The following FAM120B variants were observed in gnomAD, a reference collection of about 807,000 sequenced individuals.
The protein encoded by FAM120B is constitutive coactivator of peroxisome proliferator-activated receptor gamma.
Under a neutral mutation model 96.3 loss-of-function variants are expected in FAM120B, and 83 were observed. The observed-to-expected ratio is 0.86, with a 90% CI of 0.72 to 1.03. The LOEUF is 1.03. Among genes scored for constraint, FAM120B ranks in the 50% least tolerant of loss-of-function variants. The pLI is 0.00. For synonymous variants in FAM120B, 407 were observed against 402.7 expected (o/e 1.01, Z -0.13); for missense variants, 1,027 against 1,121.2 (o/e 0.92, Z 1.20).
chr6:170,318,846 T>C lies in FAM120B; in HGVS notation c.1456T>C (p.Leu486=), dbSNP rs1446701573. ...YTGPESRQEV[L]IRTDPESRQE... is the part of the protein sequence containing the mutation. ...AGGCCCTGAATCCAGGCAAGAAGTT[T>C]TAATACGGACAGACCCTGAATCTAG... Residue 486 remains leucine, a synonymous_variant, in exon 2 of 11, where the codon TTA becomes CTA. Coordinates refer to ENST00000476287, the MANE Select transcript of FAM120B (RefSeq NM_032448.3). 2 of 1,613,926 alleles carry C rather than the reference T, an allele frequency of 1.2e-6. No homozygotes were observed. Among genetic ancestry groups the C allele is most frequent in the Non-Finnish European group, 1.7e-6 (2 of 1,180,014 alleles).
intron 2 of FAM120B, among the ~76,000 whole-genome samples, chr6:170,321,086 A>G (rs1464959176): frequency 1.3e-5 from 2 of 152,218 alleles, no homozygotes; most frequent in African/African-American, 4.8e-5. Context: ...CCTCACAGGA[A>G]GGGAGTGCCT....
At position 170,329,450 on chromosome 6, in the gene FAM120B, T is replaced by A. The variant is rs74580691; in HGVS notation, c.1916-999T>A. ...GGAAGGCTGGTCAGTGGCTCTGCCC[T>A]TTCACAAACGACCACCCCCACTGTC... On this transcript the variant is annotated intron_variant, in intron 3 of 10. Transcript: ENST00000476287. Among the ~76,000 whole-genome samples the A allele has an allele frequency of 8.8e-3, 1,340 of 152,262 alleles. 68 individuals are homozygous for A. In the East Asian group the frequency reaches 0.11, roughly 12 times the overall value.
chr6:170,392,132 TGAA>T (rs1790513211), intron 8 of FAM120B, among the ~76,000 whole-genome samples: 1 of 152,262 alleles, frequency 6.6e-6, no homozygotes. Flanking sequence ...AAATGATCAC[TGAA>T]TACCTTCTCC....
At chr6:170,303,786 T>C (rs149393052), upstream of FAM120B, among the ~76,000 whole-genome samples, 2 of 152,380 alleles carry the variant, frequency 1.3e-5, no homozygotes, top group East Asian at 3.9e-4. Flanking sequence ...ACATATTTAT[T>C]CACAGCCAAG....
chr6:170,306,230 C>G (rs1367542596), upstream of FAM120B, among the ~76,000 whole-genome samples: 1 of 152,164 alleles, frequency 6.6e-6, no homozygotes, highest in African/African-American at 2.4e-5. Flanking sequence ...GAGGGTCGAA[C>G]GCCAGGACGT....
upstream of FAM120B, among the ~76,000 whole-genome samples, chr6:170,303,217 TGAGA>T (rs1422881904): frequency 6.6e-6 from 1 of 152,190 alleles, no homozygotes; most frequent in Non-Finnish European, 1.5e-5. Flanking sequence ...CTTTTGTATA[TGAGA>T]GAATTTACTC....
intron 1 of FAM120B, among the ~76,000 whole-genome samples, chr6:170,309,411 C>A (rs1370090821): frequency 6.6e-6 from 1 of 152,294 alleles, no homozygotes; most frequent in African/African-American, 2.4e-5. Flanking sequence ...TTCAGCTGTA[C>A]AGTAAATCAG....
At chr6:170,359,167 G>A (rs1381994388) in intron 6 of FAM120B, among the ~76,000 whole-genome samples, 2 of 152,174 alleles carry the variant, frequency 1.3e-5, no homozygotes, top group African/African-American at 4.8e-5. Flanking sequence ...TTGGGAAGCC[G>A]AGGCGGGTGG....
At chr6:170,389,527 T>TCA (rs906822743) in intron 7 of FAM120B, among the ~76,000 whole-genome samples, 12 of 151,634 alleles carry the variant, frequency 7.9e-5, no homozygotes, top group Non-Finnish European at 1.5e-4. Context: ...TCCCCATTTC[T>TCA]CACACACACA....
chr6:170,392,703 C>T (rs570099286), intron 8 of FAM120B, among the ~76,000 whole-genome samples: 1 of 152,290 alleles, frequency 6.6e-6, no homozygotes, highest in South Asian at 2.1e-4. Context: ...TACTTGGTGT[C>T]AGCCTTGCAA....
chr6:170,295,213 C>A, upstream of FAM120B: 1 of 527,640 alleles, frequency 1.9e-6, no homozygotes, highest in Non-Finnish European at 3.4e-6. The surrounding 1 kb of genome is among the most constrained non-coding windows in gnomAD (Gnocchi z 7.8). Flanking sequence ...CTTCTTAAAG[C>A]TGTCTTTGGA....
chr6:170,356,027 T>C (rs1349336456), intron 5 of FAM120B, among the ~76,000 whole-genome samples: 2 of 152,194 alleles, frequency 1.3e-5, no homozygotes, highest in Admixed American at 6.5e-5. Context: ...GCTGATCCTG[T>C]GTGTGGTCAC....
rs764183505 is a variant in FAM120B at position 170,330,743 on chromosome 6, G to T, written c.2017+193G>T. 328 of 593,436 alleles carry T rather than the reference G, an allele frequency of 5.5e-4. 1 individual carries two copies. Among genetic ancestry groups the T allele is most frequent in the Non-Finnish European group, 8.2e-4 (273 of 334,610 alleles). 36.8% of individuals were successfully genotyped at this position (593,436 alleles called of 1,614,324 possible). On this transcript the variant is annotated intron_variant, in intron 4 of 10. Transcript: ENST00000476287. ...TAATGGAAGGATGATGCTGTGGCAGGTTTACCCTGGACCATCTGCGGCGGT... is the reference window on the plus strand; with the variant it reads ...TAATGGAAGGATGATGCTGTGGCAGTTTTACCCTGGACCATCTGCGGCGGT...
intron 6 of FAM120B, among the ~76,000 whole-genome samples, chr6:170,384,478 C>T (rs781493804): frequency 1.3e-5 from 2 of 152,176 alleles, no homozygotes; most frequent in Non-Finnish European, 2.9e-5. Flanking sequence ...CGTGCAGCTG[C>T]TAACCCAAAG....
chr6:170,381,862 A>G (rs1789924487), intron 6 of FAM120B, among the ~76,000 whole-genome samples: 1 of 152,114 alleles, frequency 6.6e-6, no homozygotes, highest in African/African-American at 2.4e-5. Flanking sequence ...TCTCAACTTG[A>G]TAAAGAACAT....
rs1554286306 is a variant in FAM120B, at chr6:170,361,193, TAC to T, written c.2283+2876_2283+2877del. 7.1e-5 allele frequency among the ~76,000 whole-genome samples: 6 copies of T among 83,978 alleles called. 1 individual carries two copies. The highest frequency in any genetic ancestry group is 8.4e-4 in the South Asian group (2 of 2,386). The allele number at this position is 83,978 out of a possible 152,430, so 55.1% of individuals were successfully genotyped here. Reference sequence around the variant, plus strand: ...ATATAGCCTTAAAACTATATATATATACGTGTATATATATATATATATATATA... The same window carrying T: ...ATATAGCCTTAAAACTATATATATATGTGTATATATATATATATATATATA... On this transcript the variant is annotated intron_variant, in intron 6 of 10. Coordinates refer to ENST00000476287, the MANE Select transcript of FAM120B (RefSeq NM_032448.3).
chr6:170,320,548 T>C (rs1169884313), intron 2 of FAM120B, among the ~76,000 whole-genome samples: 2 of 152,172 alleles, frequency 1.3e-5, no homozygotes, highest in Non-Finnish European at 2.9e-5. Flanking sequence ...AAGTTCCTCC[T>C]TGAGTACCGG....
At chr6:170,358,442 C>T (rs3734773) in intron 6 of FAM120B, 124 bp downstream of exon 6, 52,717 of 706,730 alleles carry the variant, frequency 0.075, 2,550 homozygotes, top group African/African-American at 0.2. Context: ...AGGATCTTTT[C>T]GTGATGCAGT....
chr6:170,378,036 A>G (rs1043893004), intron 6 of FAM120B, among the ~76,000 whole-genome samples: 23 of 152,206 alleles, frequency 1.5e-4, no homozygotes, highest in Non-Finnish European at 2.9e-5. Flanking sequence ...CTTTCAAGCT[A>G]TGACCTTTTT....
Sources: allele counts gnomAD v4.1 joint callset (sites outside exome capture counted in the v4.1 genomes callset), GRCh38; gene constraint gnomAD v4.1.1; non-coding constraint Gnocchi (gnomAD v3.1); transcripts MANE v1.5; gene names NCBI Gene and HGNC (gene_info 2026-07-23, HGNC 2026-07-21).